The following TMEM200A variants were observed in gnomAD, a reference collection of about 807,000 sequenced individuals.
TMEM200A encodes the protein two transmembrane C.
TMEM200A carries 12 observed loss-of-function variants against 24.3 expected under a neutral mutation model. That is an observed-to-expected ratio of 0.49 (90% CI 0.32 to 0.80). The LOEUF is 0.80. TMEM200A is among the 30% of genes least tolerant of loss of function. The probability of loss-of-function intolerance (pLI) is 0.04; values close to 1 mark genes in which losing one functional copy is unlikely to be tolerated. For missense variants in TMEM200A, 545 were observed against 614.4 expected (o/e 0.89, Z 1.19); for synonymous variants, 224 against 224.4 (o/e 1.00, Z 0.02).
chr6:130,428,002 T>C lies in TMEM200A; in HGVS notation c.-16-12405T>C, dbSNP rs529440481. On this transcript the variant is annotated intron_variant, in intron 2 of 2. Coordinates refer to ENST00000296978, the MANE Select transcript of TMEM200A (RefSeq NM_001258277.2). ...ATGATTCCAAATTACACTATCCTTG[T>C]AGAAAGTGGTAGGGTGTATGTATGG... Among the ~76,000 whole-genome samples the C allele has an allele frequency of 7.2e-5, 11 of 152,264 alleles. No homozygotes were observed. In the South Asian group the frequency reaches 2.3e-3, roughly 32 times the overall value.
chr6:130,401,306 C>A (rs562474284), intron 2 of TMEM200A, among the ~76,000 whole-genome samples: 1 of 151,978 alleles, frequency 6.6e-6, no homozygotes, highest in East Asian at 1.9e-4. Context: ...TCAGCTAGAC[C>A]ATAAATTATT....
intron 1 of TMEM200A, among the ~76,000 whole-genome samples, chr6:130,383,674 T>C (rs765088101): frequency 8.5e-5 from 13 of 152,244 alleles, no homozygotes; most frequent in Middle Eastern, 3.2e-3. Context: ...TAAAAATGAA[T>C]ATGAAGACAT....
intron 1 of TMEM200A, among the ~76,000 whole-genome samples, chr6:130,376,164 C>T (rs1251734762): frequency 2.0e-5 from 3 of 152,000 alleles, no homozygotes; most frequent in East Asian, 3.9e-4. Flanking sequence ...GCGGAATTAA[C>T]CATGTGGAAT....
In TMEM200A at chr6:130,441,874, G is replaced by A. The variant is rs1780201409; in HGVS notation, c.1452G>A (p.Arg484=). 1 of 1,602,096 alleles carries A rather than the reference G, an allele frequency of 6.2e-7. No homozygotes were observed. The highest frequency in any genetic ancestry group is 1.7e-5 in the Admixed American group (1 of 57,774). The change falls in exon 3 of 3, where the codon AGG becomes AGA. Residue 484 remains arginine (R), a synonymous_variant. Transcript: ENST00000296978. ...AGTTTTTGAGTAACAACCTAAAGAG[G>A]GGAACTTCTGAAACAAGGTTTTAAT... ...HDEFLSNNLK[R]GTSETRF
Position 130,384,715 on chromosome 6 carries a change from T to C in TMEM200A, c.-80-458T>C, listed in dbSNP as rs147545575. ...GATTCAGAAAGGAATAGCATGTTTC[T>C]GATATGTATCATTAGATATTTTGTA... is the stretch of plus-strand genomic sequence containing the variant. On this transcript the variant is annotated intron_variant, in intron 1 of 2. Coordinates refer to ENST00000296978, the MANE Select transcript of TMEM200A (RefSeq NM_001258277.2). 4.3e-3 allele frequency among the ~76,000 whole-genome samples: 654 copies of C among 152,372 alleles called. 6 individuals are homozygous for C. Among genetic ancestry groups the C allele is most frequent in the African/African-American group, 0.015 (610 of 41,592 alleles).
At chr6:130,397,374 A>G (rs1448793977) in intron 2 of TMEM200A, among the ~76,000 whole-genome samples, 1 of 152,044 alleles carries the variant, frequency 6.6e-6, no homozygotes, top group Non-Finnish European at 1.5e-5. Context: ...TTTTTTTGTA[A>G]CTTAGTCCAT....
At chr6:130,399,254 G>A (rs190374420) in intron 2 of TMEM200A, among the ~76,000 whole-genome samples, 2 of 152,030 alleles carry the variant, frequency 1.3e-5, no homozygotes, top group Admixed American at 1.3e-4. Context: ...AAGTAAGTAT[G>A]CATTTAAAAA....
At chr6:130,375,591 A>G (rs1226596721) in intron 1 of TMEM200A, among the ~76,000 whole-genome samples, 1 of 152,238 alleles carries the variant, frequency 6.6e-6, no homozygotes, top group Non-Finnish European at 1.5e-5. Flanking sequence ...CTGATGTCAT[A>G]GAGAGTGCAT....
intron 2 of TMEM200A, among the ~76,000 whole-genome samples, chr6:130,408,553 G>A (rs1779259312): frequency 6.6e-6 from 1 of 152,184 alleles, no homozygotes; most frequent in Admixed American, 6.5e-5. Flanking sequence ...AGGGAACAAA[G>A]AGGACATGAG....
chr6:130,417,819 T>A (rs1779493411), intron 2 of TMEM200A, among the ~76,000 whole-genome samples: 1 of 152,198 alleles, frequency 6.6e-6, no homozygotes, highest in Non-Finnish European at 1.5e-5. Context: ...CAAAACCTTG[T>A]CCTGGTTGAT....
At chr6:130,381,251 G>C (rs1562551208) in intron 1 of TMEM200A, among the ~76,000 whole-genome samples, 1 of 152,184 alleles carries the variant, frequency 6.6e-6, no homozygotes, top group Non-Finnish European at 1.5e-5. Context: ...GGTCCTATCT[G>C]TCCTGGCATC....
At chr6:130,374,422 T>A (rs1240855026) in intron 1 of TMEM200A, among the ~76,000 whole-genome samples, 1 of 148,786 alleles carries the variant, frequency 6.7e-6, no homozygotes, top group African/African-American at 2.5e-5. Context: ...GTTTTTGTTT[T>A]TTTTTTTTCA....
intron 2 of TMEM200A, among the ~76,000 whole-genome samples, chr6:130,402,663 G>A (rs1484390766): frequency 1.3e-5 from 2 of 152,032 alleles, no homozygotes; most frequent in East Asian, 1.9e-4. Context: ...CACAAAAGAA[G>A]AATATAATGT....
Position 130,441,276 on chromosome 6 carries a change from T to C in TMEM200A, c.854T>C (p.Ile285Thr). ...CETKSIVSSS[I>T]SAFTLPVIKL... ...ACCAAGTCAATTGTGTCATCGTCCA[T>C]CAGTGCTTTTACATTGCCTGTGATC... Residue 285 changes from isoleucine (I) to threonine (T), a missense_variant, in exon 3 of 3, where the codon ATC (isoleucine) becomes ACC (threonine). By Grantham distance (89) the Ile-to-Thr change is moderately conservative. Transcript: ENST00000296978. The C allele has an allele frequency of 6.2e-7, 1 of 1,614,128 alleles. No individual in the cohort carries two copies. The highest frequency in any genetic ancestry group is 8.5e-7 in the Non-Finnish European group (1 of 1,179,998).
chr6:130,427,245 A>T (rs1779765675), intron 2 of TMEM200A, among the ~76,000 whole-genome samples: 1 of 152,236 alleles, frequency 6.6e-6, no homozygotes, highest in Admixed American at 6.5e-5. Flanking sequence ...ATACAGTTAC[A>T]TATAAGTGAG....
At chr6:130,389,518 T>C (rs1225708789) in intron 2 of TMEM200A, among the ~76,000 whole-genome samples, 1 of 151,738 alleles carries the variant, frequency 6.6e-6, no homozygotes, top group Non-Finnish European at 1.5e-5. Flanking sequence ...ATATTTTGAA[T>C]AGGAGGAAAG....
intron 2 of TMEM200A, among the ~76,000 whole-genome samples, chr6:130,390,758 C>T (rs1275961717): frequency 1.3e-5 from 2 of 152,140 alleles, no homozygotes; most frequent in Admixed American, 1.3e-4. Context: ...TGGCAAATTG[C>T]TCCTTCTAAA....
Position 130,430,553 on chromosome 6 carries a change from C to T in TMEM200A, c.-16-9854C>T, listed in dbSNP as rs142805419. Among the ~76,000 whole-genome samples the T allele has an allele frequency of 8.0e-3, 1,225 of 152,262 alleles. 78 individuals carry two copies. Among genetic ancestry groups the T allele is most frequent in the Admixed American group, 0.074 (1,136 of 15,294 alleles). On this transcript the variant is annotated intron_variant, in intron 2 of 2. Transcript: ENST00000296978. Reference sequence around the variant, plus strand: ...AAAACAGAAATAGTCCAGAAATAGTCGCAGCCTTCTCCACCATCTTCCTTT... The same window carrying T: ...AAAACAGAAATAGTCCAGAAATAGTTGCAGCCTTCTCCACCATCTTCCTTT...
intron 2 of TMEM200A, among the ~76,000 whole-genome samples, chr6:130,393,009 A>C (rs1237542568): frequency 6.6e-6 from 1 of 152,252 alleles, no homozygotes; most frequent in Non-Finnish European, 1.5e-5. Context: ...ATTCCATAAG[A>C]TTGAATCAGA....
Sources: allele counts gnomAD v4.1 joint callset (sites outside exome capture counted in the v4.1 genomes callset), GRCh38; gene constraint gnomAD v4.1.1; transcripts MANE v1.5; gene names NCBI Gene and HGNC (gene_info 2026-07-23, HGNC 2026-07-21).